Variants in SUPT20H observed in about 807,000 individuals in gnomAD.
SUPT20H encodes transcription factor SPT20 homolog.
Under a neutral mutation model 122.8 loss-of-function variants are expected in SUPT20H, and 82 were observed. The ratio of observed to expected loss-of-function variants is 0.67; its 90% CI spans 0.56 to 0.80. The LOEUF is 0.80. Among genes scored for constraint, SUPT20H ranks in the 30% least tolerant of loss-of-function variants. SUPT20H has a pLI of 0.00. For synonymous variants in SUPT20H, 291 were observed against 313.0 expected, an observed-to-expected ratio of 0.93 and a Z score of 0.74; for missense variants, 831 against 921.6, an observed-to-expected ratio of 0.90 and a Z score of 1.27.
intron 7 of SUPT20H, among the ~76,000 whole-genome samples, chr13:37,043,508 T>C (rs1199957): frequency 0.057 from 8,637 of 152,262 alleles, 709 homozygotes; most frequent in African/African-American, 0.18. Flanking sequence ...ATTGTAACTA[T>C]AGGGAGATTT....
At chr13:37,017,496 A>T in intron 22 of SUPT20H, 132 bp from the exon 23 acceptor site, 2 of 988,496 alleles carry the variant, frequency 2.0e-6, no homozygotes, top group Non-Finnish European at 2.9e-6. Context: ...CAGGTAAAGA[A>T]AAAACAAGTT....
intron 1 of SUPT20H, 103 bp downstream of exon 1, chr13:37,059,456 G>A (rs2070148733): frequency 6.6e-6 from 1 of 152,286 alleles, no homozygotes; most frequent in South Asian, 2.1e-4. Flanking sequence ...TCCTCCAGCG[G>A]GCTCTGGGAT....
intron 1 of SUPT20H, among the ~76,000 whole-genome samples, chr13:37,055,726 A>G (rs2068811358): frequency 2.0e-5 from 3 of 152,254 alleles, no homozygotes; most frequent in South Asian, 4.1e-4. Context: ...TCATGTCTAA[A>G]ACACCAAAAG....
At chr13:37,047,808 G>C (rs538110232) in intron 4 of SUPT20H, 70 bp downstream of exon 4, 2 of 1,446,652 alleles carry the variant, frequency 1.4e-6, no homozygotes, top group Non-Finnish European at 1.9e-6. Flanking sequence ...GTCCCTACGA[G>C]GAATGCAATA....
At chr13:37,033,150 A>C (rs1302764665) in intron 10 of SUPT20H, among the ~76,000 whole-genome samples, 4 of 151,528 alleles carry the variant, frequency 2.6e-5, no homozygotes, top group South Asian at 2.1e-4. Context: ...AAAAATAATA[A>C]TACTATATAA....
intron 7 of SUPT20H, among the ~76,000 whole-genome samples, chr13:37,042,578 A>G (rs2065683964): frequency 6.6e-6 from 1 of 152,210 alleles, no homozygotes; most frequent in Non-Finnish European, 1.5e-5. Flanking sequence ...AAGGCATTTC[A>G]AGCAGGACGC....
At chr13:37,025,038 T>G in intron 17 of SUPT20H, 1 of 334,444 alleles carries the variant, frequency 3.0e-6, no homozygotes, top group Non-Finnish European at 5.7e-6. Context: ...ACCTCCGGGG[T>G]TCAAGAGATT....
intron 12 of SUPT20H, 92 bp downstream of exon 12, chr13:37,031,474 TA>T: frequency 1.3e-6 from 1 of 789,430 alleles, no homozygotes; most frequent in Non-Finnish European, 1.9e-6. Flanking sequence ...GTTTTTAAAG[TA>T]AGTTTTTTTT....
intron 23 of SUPT20H, among the ~76,000 whole-genome samples, chr13:37,016,712 T>G (rs2060569367): frequency 6.6e-6 from 1 of 152,126 alleles, no homozygotes; most frequent in South Asian, 2.1e-4. Flanking sequence ...GAATCAATAT[T>G]TTTTTAATTT....
chr13:37,024,886 T>G (rs2061959483), intron 17 of SUPT20H: 1 of 172,160 alleles, frequency 5.8e-6, no homozygotes, highest in Non-Finnish European at 1.2e-5. Context: ...TTAAATAATT[T>G]TAAAAAAAGG....
chr13:37,027,573 CA>C (rs2062531979), intron 14 of SUPT20H, among the ~76,000 whole-genome samples: 1 of 151,694 alleles, frequency 6.6e-6, no homozygotes, highest in South Asian at 2.1e-4. Flanking sequence ...TTTTTGTTTT[CA>C]AAACAGAAAA....
chr13:37,030,617 T>C (rs2063125334), intron 12 of SUPT20H, among the ~76,000 whole-genome samples: 1 of 152,288 alleles, frequency 6.6e-6, no homozygotes. Context: ...ACCTAGGAGC[T>C]TGTGAGAAAT....
chr13:37,015,212 G>A (rs1355870848), intron 23 of SUPT20H, among the ~76,000 whole-genome samples: 1 of 150,412 alleles, frequency 6.6e-6, no homozygotes, highest in African/African-American at 2.4e-5. Flanking sequence ...GCAATCAAGA[G>A]TGAAAAGACA....
intron 1 of SUPT20H, among the ~76,000 whole-genome samples, chr13:37,058,382 C>G (rs1018308590): frequency 6.6e-6 from 1 of 152,122 alleles, no homozygotes; most frequent in African/African-American, 2.4e-5. Context: ...TTGAAAAGCT[C>G]GTAGGAGGTT....
At chr13:37,026,488 A>C (rs973736203) in intron 15 of SUPT20H, among the ~76,000 whole-genome samples, 1 of 152,148 alleles carries the variant, frequency 6.6e-6, no homozygotes, top group African/African-American at 2.4e-5. Context: ...TTGGCACAAA[A>C]TTTATTTATT....
intron 6 of SUPT20H, among the ~76,000 whole-genome samples, chr13:37,044,871 T>A (rs1412829042): frequency 6.6e-6 from 1 of 152,176 alleles, no homozygotes; most frequent in Admixed American, 6.5e-5. Context: ...CGGTATGCTA[T>A]CTTAAAATAT....
intron 1 of SUPT20H, among the ~76,000 whole-genome samples, chr13:37,056,025 C>T (rs2068918853): frequency 6.6e-6 from 1 of 152,192 alleles, no homozygotes; most frequent in African/African-American, 2.4e-5. Flanking sequence ...AAATGCTCAT[C>T]ACTGGCCATC....
chr13:37,037,277 T>C (rs759113282), intron 9 of SUPT20H, among the ~76,000 whole-genome samples: 1 of 152,056 alleles, frequency 6.6e-6, no homozygotes, highest in Non-Finnish European at 1.5e-5. Context: ...TCAGAAGTTA[T>C]ACATGGGTTT....
At chr13:37,045,635 T>A (rs1264032380) in intron 5 of SUPT20H, among the ~76,000 whole-genome samples, 6 of 152,126 alleles carry the variant, frequency 3.9e-5, no homozygotes, top group Non-Finnish European at 8.8e-5. Context: ...TAAAAGCACT[T>A]AAATATAAAA....
Sources: allele counts gnomAD v4.1 joint callset (sites outside exome capture counted in the v4.1 genomes callset), GRCh38; gene constraint gnomAD v4.1.1; transcripts MANE v1.5; gene names NCBI Gene and HGNC (gene_info 2026-07-23, HGNC 2026-07-21).